The following TDRD10 variants were observed in gnomAD, a reference collection of about 807,000 sequenced individuals.
TDRD10 encodes tudor domain-containing protein 10.
A neutral mutation model predicts 48.0 loss-of-function variants in TDRD10; 40 were observed. The ratio of observed to expected loss-of-function variants is 0.83; its 90% CI spans 0.65 to 1.09. The LOEUF is 1.09. Among genes scored for constraint, TDRD10 ranks in the 50% least tolerant of loss-of-function variants. The pLI is 0.00. For missense variants in TDRD10, 378 were observed against 434.7 expected (o/e 0.87, Z 1.16); for synonymous variants, 162 against 170.4 (o/e 0.95, Z 0.38).
chr1:154,515,889 A>AT (rs1406955280), intron 4 of TDRD10, among the ~76,000 whole-genome samples: 1 of 151,864 alleles, frequency 6.6e-6, no homozygotes, highest in Non-Finnish European at 1.5e-5. Flanking sequence ...TAATTTTTGT[A>AT]TTTTTTTAGT....
At chr1:154,507,165 C>A in intron 2 of TDRD10, 76 bp from the exon 3 acceptor site, 1 of 1,524,586 alleles carries the variant, frequency 6.6e-7, no homozygotes. Context: ...CAAGGCCCCT[C>A]TGCTTATGCC....
At chr1:154,510,207 C>A (rs1693374159) in intron 4 of TDRD10, among the ~76,000 whole-genome samples, 1 of 147,540 alleles carries the variant, frequency 6.8e-6, no homozygotes, top group Non-Finnish European at 1.5e-5. Context: ...GAGTTCAAGA[C>A]CAGCCTAGGC....
chr1:154,516,915 C>G (rs1247219755), intron 4 of TDRD10, among the ~76,000 whole-genome samples: 1 of 152,094 alleles, frequency 6.6e-6, no homozygotes, highest in Non-Finnish European at 1.5e-5. Flanking sequence ...CCACTGCACT[C>G]CAGCCTGAGC....
intron 6 of TDRD10, 75 bp from the exon 7 acceptor site, chr1:154,541,949 T>C (rs544143003): frequency 1.4e-4 from 200 of 1,479,628 alleles, no homozygotes; most frequent in Non-Finnish European, 1.8e-4. Context: ...CCAGTCTACC[T>C]GGAGTGATTC....
At chr1:154,505,494 C>A (rs1478548636) in intron 1 of TDRD10, among the ~76,000 whole-genome samples, 1 of 152,174 alleles carries the variant, frequency 6.6e-6, no homozygotes, top group African/African-American at 2.4e-5. Context: ...ACTTTTAGTT[C>A]TATTTAGAAT....
intron 4 of TDRD10, among the ~76,000 whole-genome samples, chr1:154,515,389 C>A (rs149793513): frequency 1.3e-5 from 2 of 152,186 alleles, no homozygotes; most frequent in Non-Finnish European, 2.9e-5. Flanking sequence ...GTCTTGGCCC[C>A]CCTCCACTCA....
chr1:154,510,010 A>G (rs1693361683), intron 4 of TDRD10: 1 of 313,220 alleles, frequency 3.2e-6, no homozygotes, highest in Non-Finnish European at 4.6e-6. Context: ...TCCCCTTCGC[A>G]GAAAGCGGCA....
intron 6 of TDRD10, among the ~76,000 whole-genome samples, chr1:154,532,571 G>A (rs573434286): frequency 2.6e-5 from 4 of 152,330 alleles, no homozygotes; most frequent in East Asian, 1.9e-4. Context: ...CAGAATGGGC[G>A]CCGAGGCTGA....
Position 154,506,800 on chromosome 1 carries a change from C to T in TDRD10, c.-27-77C>T, listed in dbSNP as rs78758541. The T allele has an allele frequency of 5.3e-3, 6,927 of 1,301,106 alleles. 276 individuals carry two copies. The African/African-American group carries it at 0.087, about 16-fold the overall frequency. The allele number at this position is 1,301,106 out of a possible 1,614,324, so 80.6% of individuals were successfully genotyped here. ...GGTTGGGGAGGCATTATTCTGCTTA[C>T]CACAGTACCTATTCGGTGGTTATAT... On this transcript the variant is annotated intron_variant, in intron 1 of 12. Coordinates refer to ENST00000368482, the MANE Select transcript of TDRD10 (RefSeq NM_182499.4).
intron 1 of TDRD10, 63 bp from the exon 2 acceptor site, chr1:154,506,806 TACCTATTC>T: frequency 1.5e-6 from 2 of 1,334,482 alleles, no homozygotes; most frequent in Non-Finnish European, 2.2e-6. Flanking sequence ...CTTACCACAG[TACCTATTC>T]GGTGGTTATA....
At position 154,521,308 on chromosome 1, in the gene TDRD10, C is replaced by G. The variant is rs1694041909; in HGVS notation, c.213-15C>G. On this transcript the variant is annotated splice_polypyrimidine_tract_variant and intron_variant, in intron 5 of 12. Coordinates refer to ENST00000368482, the MANE Select transcript of TDRD10 (RefSeq NM_182499.4). Reference sequence around the variant, plus strand: ...AGATGTGCTCAAAGCCTCCCTCTCTCTCTTCCCTTTTCAGCTTTGCATTTG... The same window carrying G: ...AGATGTGCTCAAAGCCTCCCTCTCTGTCTTCCCTTTTCAGCTTTGCATTTG... The G allele has an allele frequency of 3.1e-6, 5 of 1,613,696 alleles. No homozygotes were observed. Among genetic ancestry groups the G allele is most frequent in the African/African-American group, 1.3e-5 (1 of 75,038 alleles).
Position 154,547,444 on chromosome 1 carries a change from C to T in TDRD10, c.988C>T (p.Leu330Phe), listed in dbSNP as rs547193969. ...TTCGTATGAGGTTGTCCATCGAATC[C>T]TCAAAGGGAAAATCACTGGTGCTTT... ...LSSYEVVHRI[L>F]KGKITGALNS... The change falls in exon 12 of 13, where the codon CTC becomes TTC. Residue 330 changes from leucine to phenylalanine, a missense_variant. Leu to Phe is a conservative substitution (Grantham distance 22). Around this residue, in one of 2 missense-constraint regions of TDRD10, gnomAD observed 68 missense variants for 111.1 expected, o/e 0.61. Coordinates refer to ENST00000368482, the MANE Select transcript of TDRD10 (RefSeq NM_182499.4). The T allele has an allele frequency of 6.2e-7, 1 of 1,614,220 alleles. No individual in the cohort carries two copies. The highest frequency in any genetic ancestry group is 1.7e-5 in the Admixed American group (1 of 60,024).
At chr1:154,504,183 C>T (rs1693015344) in intron 1 of TDRD10, among the ~76,000 whole-genome samples, 1 of 152,170 alleles carries the variant, frequency 6.6e-6, no homozygotes, top group South Asian at 2.1e-4. Context: ...TCATCCAGGT[C>T]GTATAGCATG....
intron 1 of TDRD10, among the ~76,000 whole-genome samples, chr1:154,505,667 A>G (rs1306651628): frequency 6.6e-6 from 1 of 152,230 alleles, no homozygotes; most frequent in Non-Finnish European, 1.5e-5. Context: ...ATCTGTAGAA[A>G]GAGAACCAAT....
intron 6 of TDRD10, among the ~76,000 whole-genome samples, chr1:154,522,963 T>A (rs1694131998): frequency 6.6e-6 from 1 of 152,234 alleles, no homozygotes; most frequent in South Asian, 2.1e-4. Flanking sequence ...TTGCCCAGGC[T>A]GGAGTGCAGT....
chr1:154,510,246 A>G (rs1693379570), intron 4 of TDRD10, among the ~76,000 whole-genome samples: 1 of 151,812 alleles, frequency 6.6e-6, no homozygotes, highest in Non-Finnish European at 1.5e-5. Flanking sequence ...CTCTTAAAAA[A>G]AAAAAAAAAA....
At chr1:154,527,325 CA>C (rs1382813648) in intron 6 of TDRD10, among the ~76,000 whole-genome samples, 2 of 152,166 alleles carry the variant, frequency 1.3e-5, no homozygotes, top group African/African-American at 4.8e-5. Flanking sequence ...ATCGAGAACT[CA>C]AAAAGAGGCT....
intron 6 of TDRD10, among the ~76,000 whole-genome samples, chr1:154,527,167 T>A (rs1296469544): frequency 6.6e-6 from 1 of 152,132 alleles, no homozygotes; most frequent in East Asian, 1.9e-4. Flanking sequence ...TGCCTCTGCC[T>A]CCCAAAGTGC....
At position 154,502,244 on chromosome 1, in the gene TDRD10, G is replaced by C; in HGVS notation, c.-813G>C. The C allele has an allele frequency of 3.9e-6, 1 of 253,962 alleles. No individual in the cohort carries two copies. The highest frequency in any genetic ancestry group is 7.2e-6 in the Non-Finnish European group (1 of 139,504). The allele number at this position is 253,962 out of a possible 1,614,324, so 15.7% of individuals were successfully genotyped here. Reference sequence around the variant, plus strand: ...GTCTTCAACGCCTGCCCGGCCCGAGGACACCGTGGCTCTCGGAGGCGGCGG... The same window carrying C: ...GTCTTCAACGCCTGCCCGGCCCGAGCACACCGTGGCTCTCGGAGGCGGCGG... On this transcript the variant is annotated 5_prime_UTR_variant, in exon 1 of 13. Transcript: ENST00000368482.
Sources: gnomAD v4.1 joint callset for allele counts (sites outside exome capture counted in the v4.1 genomes callset) on GRCh38, gnomAD v4.1.1 for gene constraint, gnomAD v4.1.1 regional missense constraint, MANE v1.5 for transcripts, NCBI Gene and HGNC (gene_info 2026-07-23, HGNC 2026-07-21) for gene names.